MADD: variants seen among roughly 807,000 people sequenced by gnomAD.
MADD encodes MAP kinase activating death domain.
A neutral mutation model predicts 176.7 loss-of-function variants in MADD; 109 were observed. That is an observed-to-expected ratio of 0.62 (90% CI 0.53 to 0.72). The LOEUF (loss-of-function observed/expected upper bound fraction) is 0.72. MADD is among the 30% of genes least tolerant of loss of function. MADD has a pLI of 0.00. For synonymous variants in MADD, 771 were observed against 771.3 expected (o/e 1.00, Z 0.01); for missense variants, 1,914 against 2,045.5 (o/e 0.94, Z 1.24).
intron 26 of MADD, among the ~76,000 whole-genome samples, chr11:47,314,600 T>C (rs1349175657): frequency 6.6e-6 from 1 of 152,092 alleles, no homozygotes; most frequent in Non-Finnish European, 1.5e-5. Context: ...GAGCGAAACC[T>C]TGTCTCTAAA....
At chr11:47,295,814 A>G in intron 21 of MADD, 83 bp from the exon 24 acceptor site, 3 of 1,536,198 alleles carry the variant, frequency 2.0e-6, no homozygotes, top group Non-Finnish European at 2.6e-6. Context: ...ATACTTTTTT[A>G]TGGTGGCAGG....
intron 27 of MADD, among the ~76,000 whole-genome samples, chr11:47,320,791 G>A (rs1176187299): frequency 6.6e-6 from 1 of 152,062 alleles, no homozygotes; most frequent in African/African-American, 2.4e-5. Flanking sequence ...GCATGCTAGT[G>A]CATGCCTATG....
intron 30 of MADD, 101 bp from the exon 34 acceptor site, chr11:47,326,443 G>A: frequency 1.0e-6 from 1 of 953,492 alleles, no homozygotes; most frequent in Non-Finnish European, 1.4e-6. Flanking sequence ...TGGGCAGAGG[G>A]TACGGGCGGG....
chr11:47,274,377 A>G (rs538139261), intron 2 of MADD, among the ~76,000 whole-genome samples, 186 bp from the exon 3 acceptor site: 1 of 152,362 alleles, frequency 6.6e-6, no homozygotes, highest in Non-Finnish European at 1.5e-5. Flanking sequence ...AGATGCCTTC[A>G]TGACAGTGTA....
intron 10 of MADD, among the ~76,000 whole-genome samples, 176 bp downstream of exon 10, chr11:47,283,145 G>A (rs1173933419): frequency 1.3e-5 from 2 of 152,176 alleles, no homozygotes; most frequent in Non-Finnish European, 2.9e-5. Context: ...CCAGGCTGGA[G>A]TGCAGTGACG....
exon 22 of MADD, chr11:47,296,019 T>C (rs2139316907): frequency 5.6e-6 from 9 of 1,614,122 alleles, no homozygotes; most frequent in Non-Finnish European, 7.6e-6. Flanking sequence ...TGTCTGATAG[T>C]GAAATTGAGA....
chr11:47,297,821 C>G (rs2074222583), intron 22 of MADD, among the ~76,000 whole-genome samples: 2 of 127,190 alleles, frequency 1.6e-5, no homozygotes, highest in African/African-American at 6.1e-5. Flanking sequence ...TAGAATCTTG[C>G]TCTGTCGCCC....
chr11:47,316,448 G>T (rs2093016341), intron 27 of MADD, among the ~76,000 whole-genome samples: 1 of 147,818 alleles, frequency 6.8e-6, no homozygotes, highest in Admixed American at 6.8e-5. Flanking sequence ...GAGTGCAATG[G>T]CTTGATCTCA....
At chr11:47,327,035 G>A (rs930945461) in intron 31 of MADD, 15 of 1,295,248 alleles carry the variant, frequency 1.2e-5, no homozygotes, top group East Asian at 6.1e-5. Context: ...GGTGGGTTTC[G>A]AGTTTAGAGG....
chr11:47,323,967 AC>A lies in MADD; in HGVS notation c.4362+134del. The A allele has an allele frequency of 5.9e-6, 6 of 1,020,024 alleles. No homozygotes were observed. In the South Asian group the frequency reaches 9.8e-5, roughly 17 times the overall value. The allele number at this position is 1,020,024 out of a possible 1,614,324, so 63.2% of individuals were successfully genotyped here. A position where few individuals can be genotyped will look rare whatever the true frequency, so the allele number is the denominator to read the frequency against. ...TCTGTCTCCAGCTGTTGGGTGGAGT[AC>A]CTAAAGCTGTCTCTGTCAAGCCAAC... is the stretch of plus-strand genomic sequence containing the variant. On this transcript the variant is annotated intron_variant, in intron 28 of 32. Coordinates refer to ENST00000402192, the Ensembl canonical transcript of MADD.
chr11:47,282,530 A>G, exon 9 of MADD: 2 of 1,614,154 alleles, frequency 1.2e-6, no homozygotes, highest in South Asian at 2.2e-5. Flanking sequence ...CCTTTTGCCG[A>G]GAAATTGGCC....
rs1185948034 is a variant in MADD at position 47,299,585 on chromosome 11, CTTTTT to C, written c.3642+3553_3642+3557del. Reference sequence around the variant, plus strand: ...GAGTTTTCTAGTGGAGATTTTAGGGCTTTTTTTTTTTTTTTTTTTTTTTTTTTAGA... The same window carrying C: ...GAGTTTTCTAGTGGAGATTTTAGGGCTTTTTTTTTTTTTTTTTTTTTTAGA... On this transcript the variant is annotated intron_variant, in intron 22 of 32. Transcript: ENST00000402192. 2.4e-4 allele frequency among the ~76,000 whole-genome samples: 10 copies of C among 41,506 alleles called. No individual in the cohort carries two copies. The East Asian group carries it at 9.5e-3, about 40-fold the overall frequency. 27.2% of individuals were successfully genotyped at this position (41,506 alleles called of 152,430 possible).
Position 47,293,156 on chromosome 11 carries a change from C to T in MADD, c.3302-727C>T, listed in dbSNP as rs186032078. Among the ~76,000 whole-genome samples, 5 of 152,206 alleles carry T rather than the reference C, an allele frequency of 3.3e-5. No homozygotes were observed. In the East Asian group the frequency reaches 7.7e-4, roughly 23 times the overall value. On this transcript the variant is annotated intron_variant, in intron 19 of 32. Coordinates refer to ENST00000402192, the Ensembl canonical transcript of MADD. ...AAACAGCTGGTGTTTCTTATCTCAT[C>T]GGGCCCAACCTTTTCTACCTCCTTT...
chr11:47,272,463 TGAGGGAGTA>T (rs1157913137), intron 1 of MADD: 4 of 152,108 alleles, frequency 2.6e-5, no homozygotes, highest in African/African-American at 9.7e-5. Context: ...CAGCAGCAGG[TGAGGGAGTA>T]GAGGGTGTGT....
intron 22 of MADD, among the ~76,000 whole-genome samples, chr11:47,303,142 A>G (rs528552882): frequency 2.6e-5 from 4 of 151,058 alleles, no homozygotes; most frequent in Admixed American, 1.3e-4. Context: ...CTTTGAATAT[A>G]TCATCCCATT....
intron 31 of MADD, chr11:47,327,028 G>C: frequency 1.5e-6 from 2 of 1,307,682 alleles, no homozygotes; most frequent in Non-Finnish European, 9.8e-7. Context: ...GGCCTCAGGT[G>C]GGTTTCGAGT....
chr11:47,276,240 A>G, intron 4 of MADD, 38 bp downstream of exon 4: 1 of 1,542,836 alleles, frequency 6.5e-7, no homozygotes, highest in South Asian at 1.2e-5. Context: ...TAGGGGAGAA[A>G]CTCTTAAATA....
chr11:47,284,426 T>C lies in MADD; in HGVS notation c.2018T>C (p.Ile673Thr), dbSNP rs148758859. 1.2e-5 allele frequency: 19 copies of C among 1,613,894 alleles called. No homozygotes were observed. Among genetic ancestry groups the C allele is most frequent in the Non-Finnish European group, 1.6e-5 (19 of 1,180,028 alleles). ...CTGGGGGATGCCAGCGAGGTGGAGA[T>C]TGACGAGCTGCAGAATCAGAAGGAA... The change falls in exon 12 of 33, where the codon ATT becomes ACT. Residue 673 changes from isoleucine to threonine, a missense_variant. Around this residue, in one of 2 missense-constraint regions of MADD, gnomAD observed 1,767 missense variants for 1,836.0 expected, o/e 0.96. Transcript: ENST00000402192.
chr11:47,284,800 G>A, intron 12 of MADD, 141 bp from the exon 13 acceptor site: 1 of 1,303,278 alleles, frequency 7.7e-7, no homozygotes, highest in South Asian at 1.4e-5. Context: ...TGGGGACAGA[G>A]AACGGGTGCT....
Sources: gnomAD v4.1 joint callset for allele counts (sites outside exome capture counted in the v4.1 genomes callset) on GRCh38, gnomAD v4.1.1 for gene constraint, gnomAD v4.1.1 regional missense constraint, MANE v1.5 for transcripts, NCBI Gene and HGNC (gene_info 2026-07-23, HGNC 2026-07-21) for gene names.